The following C2CD2 variants were observed in gnomAD, a reference collection of about 807,000 sequenced individuals.
The protein encoded by C2CD2 is C2 domain-containing protein 2.
In C2CD2, 43 loss-of-function variants were observed where a neutral mutation model predicts 74.3. That is an observed-to-expected ratio of 0.58 (90% CI 0.45 to 0.75). C2CD2 has a LOEUF of 0.75. C2CD2 is among the 30% of genes least tolerant of loss of function. The pLI, the probability that C2CD2 is intolerant of heterozygous loss-of-function variation, is 0.00. For synonymous variants in C2CD2, 422 were observed against 390.7 expected (o/e 1.08, Z -0.94); for missense variants, 801 against 916.3 (o/e 0.87, Z 1.63).
intron 3 of C2CD2, among the ~76,000 whole-genome samples, chr21:41,920,302 G>A (rs1227104225): frequency 1.3e-5 from 2 of 152,172 alleles, no homozygotes; most frequent in African/African-American, 4.8e-5. Context: ...GCCATAGAAA[G>A]CTAATATTGC....
At chr21:41,911,256 C>T (rs1028018939) in intron 7 of C2CD2, among the ~76,000 whole-genome samples, 1 of 152,104 alleles carries the variant, frequency 6.6e-6, no homozygotes, top group Non-Finnish European at 1.5e-5. Flanking sequence ...AGCACACATA[C>T]ATCCTTACAT....
chr21:41,943,876 G>A (rs1014275811), intron 1 of C2CD2, among the ~76,000 whole-genome samples: 3 of 152,180 alleles, frequency 2.0e-5, no homozygotes, highest in African/African-American at 7.2e-5. Flanking sequence ...TGAAATCACA[G>A]TTTCAGGGCT....
At position 41,939,670 on chromosome 21, in the gene C2CD2, C is replaced by A. The variant is rs376687642; in HGVS notation, c.378+2477G>T. On this transcript the variant is annotated intron_variant, in intron 2 of 13. Coordinates refer to ENST00000380486, the MANE Select transcript of C2CD2 (RefSeq NM_015500.2). This position sits in a 1 kb window ranked among gnomAD's most constrained non-coding sequence, Gnocchi z 5.5. ...CCCGCACCGCTGCCATGGGCTTCCT[C>A]CTGCAACCCCAGTACTTTCCAGTGA... 1.3e-4 allele frequency among the ~76,000 whole-genome samples: 20 copies of A among 152,360 alleles called. No individual in the cohort carries two copies. The highest frequency in any genetic ancestry group is 8.5e-4 in the Admixed American group (13 of 15,304).
In C2CD2 at chr21:41,918,916, G is replaced by C. The variant is rs1455907659; in HGVS notation, c.537C>G (p.Ser179Arg). The C allele has an allele frequency of 2.5e-6, 4 of 1,614,224 alleles. No individual in the cohort carries two copies. Among genetic ancestry groups the C allele is most frequent in the Non-Finnish European group, 3.4e-6 (4 of 1,180,018 alleles). ...MKEKREDLQISWSFISVPEMA... is the reference protein window; with the variant it reads ...MKEKREDLQIRWSFISVPEMA... ...TTTCCGGCACACTGATGAAAGACCA[G>C]CTAATCTGGAGGTCCTCTCTCTTCT... The change falls in exon 4 of 14, where the codon AGC becomes AGG. Residue 179 changes from serine (S) to arginine (R), a missense_variant. Coordinates refer to ENST00000380486, the MANE Select transcript of C2CD2 (RefSeq NM_015500.2).
chr21:41,949,211 G>A (rs974542956), intron 1 of C2CD2, among the ~76,000 whole-genome samples: 10 of 152,190 alleles, frequency 6.6e-5, no homozygotes, highest in Admixed American at 6.5e-4. Context: ...GAGACTGTAG[G>A]ACAGCAGTCC....
intron 7 of C2CD2, 103 bp from the exon 8 acceptor site, chr21:41,909,626 C>T (rs2065003662): frequency 1.2e-6 from 1 of 827,556 alleles, no homozygotes; most frequent in Non-Finnish European, 2.1e-6. Context: ...ACAAAGATGT[C>T]AATATTTAAC....
At position 41,926,508 on chromosome 21, in the gene C2CD2, G is replaced by T; in HGVS notation, c.379-4423C>A. On this transcript the variant is annotated intron_variant, in intron 2 of 13. Coordinates refer to ENST00000380486, the MANE Select transcript of C2CD2 (RefSeq NM_015500.2). The surrounding 1 kb of genome is among the most constrained non-coding windows in gnomAD (Gnocchi z 8.0). ...GCTGAAGAGCAGGCTGAGCGGGGAG[G>T]CCTTCATTCACCTTCTCGGTGCTCT... 1 of 684,678 alleles carries T rather than the reference G, an allele frequency of 1.5e-6. No homozygotes were observed. The highest frequency in any genetic ancestry group is 1.8e-6 in the Non-Finnish European group (1 of 555,188). 42.4% of individuals were successfully genotyped at this position (684,678 alleles called of 1,614,324 possible). A position where few individuals can be genotyped will look rare whatever the true frequency, so the allele number is the denominator to read the frequency against.
chr21:41,918,746 G>T (rs12482571), intron 4 of C2CD2, 110 bp downstream of exon 4: 5 of 828,532 alleles, frequency 6.0e-6, no homozygotes, highest in East Asian at 5.1e-5. Flanking sequence ...GGCTGGGACA[G>T]GGAAGGAGGC....
intron 5 of C2CD2, among the ~76,000 whole-genome samples, chr21:41,916,844 T>C (rs1406992301): frequency 1.3e-5 from 2 of 152,214 alleles, no homozygotes; most frequent in Non-Finnish European, 2.9e-5. Context: ...AATTCATGGA[T>C]TCCAAAAATA....
intron 2 of C2CD2, among the ~76,000 whole-genome samples, chr21:41,933,178 A>AG (rs2065277704): frequency 6.6e-6 from 1 of 150,574 alleles, no homozygotes; most frequent in Non-Finnish European, 1.5e-5. Flanking sequence ...GAGCTTTGAA[A>AG]GGGAGGGGCG....
chr21:41,919,942 G>C (rs368727189), intron 3 of C2CD2, among the ~76,000 whole-genome samples: 96 of 152,170 alleles, frequency 6.3e-4, no homozygotes, highest in African/African-American at 2.2e-3. Context: ...CCTGAAGAGT[G>C]GGGGAGCACG....
In C2CD2 at chr21:41,953,484, C is replaced by T. The variant is rs777318804; in HGVS notation, c.165G>A (p.Gly55=). Residue 55 remains glycine (G), a synonymous_variant, in exon 1 of 14, where the codon GGG becomes GGA. Coordinates refer to ENST00000380486, the MANE Select transcript of C2CD2 (RefSeq NM_015500.2). ...GCAGCGCGTCGGACCCCGGGCGCGG[C>T]CCCTCTCCAGGCTCCACCGCCCGCC... ...PQRRAVEPGE[G]PRPGSDALLS... is the part of the protein sequence containing the mutation. The T allele has an allele frequency of 6.1e-6, 9 of 1,482,568 alleles. No individual in the cohort carries two copies. The East Asian group carries it at 2.3e-4, about 39-fold the overall frequency. 91.8% of individuals were successfully genotyped at this position (1,482,568 alleles called of 1,614,324 possible). A position where few individuals can be genotyped will look rare whatever the true frequency, so the allele number is the denominator to read the frequency against.
intron 6 of C2CD2, among the ~76,000 whole-genome samples, chr21:41,914,294 TA>T (rs72131335): frequency 0.56 from 75,776 of 134,674 alleles, 22,413 homozygotes; most frequent in South Asian, 0.74. Context: ...GTTCAACAGT[TA>T]AAAAAAAAAA....
intron 1 of C2CD2, among the ~76,000 whole-genome samples, chr21:41,950,254 CCTACT>C (rs2065439350): frequency 6.6e-6 from 1 of 152,186 alleles, no homozygotes; most frequent in African/African-American, 2.4e-5. Flanking sequence ...GCTCCCCAAG[CCTACT>C]GAGGCGGATG....
intron 1 of C2CD2, among the ~76,000 whole-genome samples, chr21:41,951,514 G>A (rs1260136107): frequency 6.6e-6 from 1 of 152,188 alleles, no homozygotes; most frequent in Non-Finnish European, 1.5e-5. Context: ...GGAGAGACAG[G>A]TGTCTGAGAC....
Position 41,899,076 on chromosome 21 carries a change from G to A in C2CD2, c.1847C>T (p.Pro616Leu), listed in dbSNP as rs200412687. ...LSESSMSVLE[P>L]GTAKKHKGGI... is the part of the protein sequence containing the mutation. ...ACCTTTATGCTTTTTGGCAGTGCCC[G>A]GCTCCAAGACACTCATGGAGCTCTC... Residue 616 changes from proline (P) to leucine (L), a missense_variant, in exon 13 of 14, where the codon CCG becomes CTG. Transcript: ENST00000380486. The surrounding 1 kb of genome is among the most constrained non-coding windows in gnomAD (Gnocchi z 4.4). The A allele has an allele frequency of 6.7e-5, 108 of 1,613,762 alleles. No individual in the cohort carries two copies. Among genetic ancestry groups the A allele is most frequent in the Middle Eastern group, 1.7e-4 (1 of 6,016 alleles).
chr21:41,936,965 C>T (rs564064639), intron 2 of C2CD2, among the ~76,000 whole-genome samples: 146 of 151,610 alleles, frequency 9.6e-4, no homozygotes, highest in African/African-American at 3.3e-3. Context: ...ATTACAGGCA[C>T]ACACCACCAT....
intron 13 of C2CD2, among the ~76,000 whole-genome samples, chr21:41,896,497 C>T (rs978194073): frequency 5.9e-5 from 9 of 152,130 alleles, no homozygotes; most frequent in African/African-American, 2.2e-4. Flanking sequence ...ACCATTTCTA[C>T]CGGCACAGCT....
At chr21:41,905,876 G>A in intron 10 of C2CD2, 39 bp from the exon 11 acceptor site, 1 of 1,110,376 alleles carries the variant, frequency 9.0e-7, no homozygotes, top group Non-Finnish European at 1.4e-6. Flanking sequence ...GCGGCCCCGT[G>A]GCTGACTGGA....
Sources: allele counts gnomAD v4.1 joint callset (sites outside exome capture counted in the v4.1 genomes callset), GRCh38; gene constraint gnomAD v4.1.1; non-coding constraint Gnocchi (gnomAD v3.1); transcripts MANE v1.5; gene names NCBI Gene and HGNC (gene_info 2026-07-23, HGNC 2026-07-21).